Variants in ACSM5 observed in about 807,000 individuals in gnomAD.
ACSM5 encodes the protein acyl-CoA synthetase medium chain family member 5.
In ACSM5, 56 loss-of-function variants were observed where a neutral mutation model predicts 71.6. The observed-to-expected ratio is 0.78, with a 90% CI of 0.63 to 0.98. ACSM5 has a LOEUF of 0.98. Ranked by LOEUF, ACSM5 falls within the 50% of genes least tolerant of loss-of-function variation. ACSM5 has a pLI of 0.00. For missense variants in ACSM5, 723 were observed against 726.0 expected (o/e 1.00, Z 0.05); for synonymous variants, 285 against 281.5 (o/e 1.01, Z -0.12).
intron 12 of ACSM5, among the ~76,000 whole-genome samples, chr16:20,438,847 C>T (rs1404446484): frequency 6.7e-6 from 1 of 150,074 alleles, no homozygotes; most frequent in Non-Finnish European, 1.5e-5. Context: ...CCCAGCTACT[C>T]GGGAGGCTGA....
chr16:20,418,056 T>C lies in ACSM5; in HGVS notation c.205-3T>C. Reference sequence around the variant, plus strand: ...TTTTTTTTCTGCCTGTACCACCATCTAGGCTGGACACCGCCCCCCAAATCC... The same window carrying C: ...TTTTTTTTCTGCCTGTACCACCATCCAGGCTGGACACCGCCCCCCAAATCC... On this transcript the variant is annotated splice_region_variant and splice_polypyrimidine_tract_variant and intron_variant, in intron 2 of 13. Coordinates refer to ENST00000331849, the MANE Select transcript of ACSM5 (RefSeq NM_017888.3). 6.2e-7 allele frequency: 1 copy of C among 1,613,434 alleles called. No homozygotes were observed. The highest frequency in any genetic ancestry group is 8.5e-7 in the Non-Finnish European group (1 of 1,179,802).
chr16:20,441,021 G>A lies in ACSM5; in HGVS notation c.*594G>A, dbSNP rs945573297. 6.6e-6 allele frequency: 1 copy of A among 152,070 alleles called. No individual in the cohort carries two copies. Among genetic ancestry groups the A allele is most frequent in the African/African-American group, 2.4e-5 (1 of 41,362 alleles). 9.4% of individuals were successfully genotyped at this position (152,070 alleles called of 1,614,324 possible). ...CAACAAGGAAATGATTAACAAAATT[G>A]TAGTAGATTAACTCAATTACATATG... is the stretch of plus-strand genomic sequence containing the variant. On this transcript the variant is annotated 3_prime_UTR_variant, in exon 14 of 14. Coordinates refer to ENST00000331849, the MANE Select transcript of ACSM5 (RefSeq NM_017888.3).
At chr16:20,419,483 T>C (rs1966868940) in intron 4 of ACSM5, 48 bp downstream of exon 4, 4 of 1,571,356 alleles carry the variant, frequency 2.5e-6, no homozygotes, top group Non-Finnish European at 3.5e-6. Context: ...TCATTTCCCC[T>C]TTAAGCAACA....
Position 20,437,160 on chromosome 16 carries a change from G to A in ACSM5, c.1417G>A (p.Asp473Asn), listed in dbSNP as rs776309636. 1.7e-5 allele frequency: 28 copies of A among 1,614,062 alleles called. No individual in the cohort carries two copies. Among genetic ancestry groups the A allele is most frequent in the Non-Finnish European group, 2.1e-5 (25 of 1,180,032 alleles). The change falls in exon 11 of 14, where the codon GAT becomes AAT. Residue 473 changes from aspartate (D) to asparagine (N), a missense_variant. Transcript: ENST00000331849. ...GYFWFMGRND[D>N]VINSSSYRIG... ...CTTTTGGTTCATGGGAAGAAACGAC[G>A]ATGTGATCAATTCTTCAAGGTCAAG...
chr16:20,438,137 C>A (rs1411177937), intron 12 of ACSM5, among the ~76,000 whole-genome samples: 3 of 151,906 alleles, frequency 2.0e-5, no homozygotes, highest in Admixed American at 6.6e-5. Flanking sequence ...TAGGAGAAAT[C>A]TTTCTGTGGG....
chr16:20,415,935 G>A (rs144561311), intron 2 of ACSM5, among the ~76,000 whole-genome samples: 4 of 152,104 alleles, frequency 2.6e-5, no homozygotes, highest in East Asian at 3.9e-4. Flanking sequence ...CTCAATACTC[G>A]AGTAAGGAGC....
At chr16:20,421,642 T>G (rs779976198) in intron 5 of ACSM5, among the ~76,000 whole-genome samples, 3 of 141,374 alleles carry the variant, frequency 2.1e-5, no homozygotes, top group Non-Finnish European at 4.5e-5. Flanking sequence ...TATATATATA[T>G]ATATATATAT....
In ACSM5 at chr16:20,439,854, G is replaced by A. The variant is rs764758638; in HGVS notation, c.1591G>A (p.Ala531Thr). The A allele has an allele frequency of 5.6e-6, 9 of 1,612,118 alleles. 1 individual carries two copies. The highest frequency in any genetic ancestry group is 3.4e-6 in the Non-Finnish European group (4 of 1,178,578). ...AGCCTACTCCTCTCATGACCCAGAG[G>A]CACTAACGCGGGAACTCCAGGAGCA... The part of the protein sequence containing the change: ...TPAYSSHDPE[A>T]LTRELQEHVK... Residue 531 changes from alanine to threonine, a missense_variant, in exon 13 of 14, where the codon GCA (alanine) becomes ACA (threonine). By Grantham distance (58) the Ala-to-Thr change is moderately conservative. Transcript: ENST00000331849.
intron 5 of ACSM5, among the ~76,000 whole-genome samples, chr16:20,422,357 G>T (rs575656783): frequency 6.6e-6 from 1 of 152,178 alleles, no homozygotes; most frequent in African/African-American, 2.4e-5. Flanking sequence ...TGATCCTCAC[G>T]CCTTGGCCTC....
At chr16:20,430,921 G>A (rs1967082843) in intron 8 of ACSM5, 72 bp from the exon 9 acceptor site, 3 of 1,106,316 alleles carry the variant, frequency 2.7e-6, no homozygotes, top group Middle Eastern at 2.3e-4. Context: ...CAGGCAGGGT[G>A]AGAGAAAGGC....
rs1966866506 is a variant in ACSM5, at chr16:20,419,214, C to G, written c.416-14C>G. The G allele has an allele frequency of 6.2e-7, 1 of 1,613,886 alleles. No homozygotes were observed. Among genetic ancestry groups the G allele is most frequent in the Admixed American group, 1.7e-5 (1 of 59,996 alleles). On this transcript the variant is annotated splice_polypyrimidine_tract_variant and intron_variant, in intron 3 of 13. Coordinates refer to ENST00000331849, the MANE Select transcript of ACSM5 (RefSeq NM_017888.3). ...CCCGCTATCCACTCAACATCCCCTT[C>G]TGTTTTATGCCAGGGACTGTGATGA...
intron 10 of ACSM5, among the ~76,000 whole-genome samples, chr16:20,435,938 TCCTTC>T (rs1272187521): frequency 1.1e-5 from 1 of 91,478 alleles, no homozygotes; most frequent in Non-Finnish European, 2.9e-5. Flanking sequence ...TTCTTTTCTT[TCCTTC>T]CTTCCTTCCT....
intron 5 of ACSM5, 66 bp from the exon 6 acceptor site, chr16:20,423,850 A>G (rs1966924127): frequency 2.5e-6 from 4 of 1,589,558 alleles, no homozygotes; most frequent in African/African-American, 1.3e-5. Context: ...GGTGATATAG[A>G]TAATACAATC....
chr16:20,412,722 G>A (rs1472428641), intron 2 of ACSM5, among the ~76,000 whole-genome samples: 7 of 152,150 alleles, frequency 4.6e-5, no homozygotes, highest in African/African-American at 1.4e-4. Context: ...GCCTAAGGTG[G>A]TGGATAACAG....
At chr16:20,418,857 A>G (rs751533388) in intron 3 of ACSM5, among the ~76,000 whole-genome samples, 1 of 152,182 alleles carries the variant, frequency 6.6e-6, no homozygotes, top group Non-Finnish European at 1.5e-5. Context: ...CTCCCAAAGG[A>G]AGGAAGATAA....
Position 20,429,782 on chromosome 16 carries a change from G to A in ACSM5, c.1106G>A (p.Gly369Asp). The stretch of plus-strand genomic sequence containing the variant: ...CAGACTGGTGTGGAGCTGTACGAAG[G>A]CTATGGCCAGTCTGAAACGGTGAGT... ...KHQTGVELYE[G>D]YGQSETVVIC... The change falls in exon 8 of 14, where the codon GGC becomes GAC. Residue 369 changes from glycine to aspartate, a missense_variant. By Grantham distance (94) the Gly-to-Asp change is moderately conservative (BLOSUM62 -1). Transcript: ENST00000331849. 1.2e-6 allele frequency: 2 copies of A among 1,612,522 alleles called. No homozygotes were observed. The highest frequency in any genetic ancestry group is 1.7e-6 in the Non-Finnish European group (2 of 1,179,738).
In ACSM5 at chr16:20,424,049, G is replaced by C. The variant is rs190666032; in HGVS notation, c.901G>C (p.Asp301His). Residue 301 changes from aspartate (D) to histidine (H), a missense_variant, in exon 6 of 14, where the codon GAT becomes CAT. Physicochemically the swap from Asp to His is moderately conservative, Grantham distance 81. Transcript: ENST00000331849. Reference protein sequence around the residue: ...CIFVHELPRVDAKVILNTLSK... With the variant: ...CIFVHELPRVHAKVILNTLSK... ...TTTTGTGCATGAGCTGCCCCGAGTT[G>C]ATGCCAAAGTTATCCTGAATGTAAG... is the stretch of plus-strand genomic sequence containing the variant. The C allele has an allele frequency of 9.1e-5, 147 of 1,614,068 alleles. No individual in the cohort carries two copies. In the East Asian group the frequency reaches 3.2e-3, roughly 35 times the overall value.
At chr16:20,422,265 C>T (rs1308996054) in intron 5 of ACSM5, among the ~76,000 whole-genome samples, 2 of 152,092 alleles carry the variant, frequency 1.3e-5, no homozygotes, top group Admixed American at 1.3e-4. Context: ...GTGCCCGCCA[C>T]CACACCCAGC....
At chr16:20,422,744 T>G (rs1335336392) in intron 5 of ACSM5, among the ~76,000 whole-genome samples, 4 of 152,078 alleles carry the variant, frequency 2.6e-5, no homozygotes, top group Admixed American at 6.6e-5. Context: ...GAGGCAAGCA[T>G]GGTAGCTTGC....
Sources: gnomAD v4.1 joint callset for allele counts (sites outside exome capture counted in the v4.1 genomes callset) on GRCh38, gnomAD v4.1.1 for gene constraint, MANE v1.5 for transcripts, NCBI Gene and HGNC (gene_info 2026-07-23, HGNC 2026-07-21) for gene names.